DNAH7: variants seen among roughly 807,000 people sequenced by gnomAD.
DNAH7 encodes the protein axonemal beta dynein heavy chain 7.
In DNAH7, 397 loss-of-function variants were observed where a neutral mutation model predicts 444.6. The ratio of observed to expected loss-of-function variants is 0.89; its 90% CI spans 0.82 to 0.97. The LOEUF is 0.97. DNAH7 is among the 50% of genes least tolerant of loss of function. The pLI is 0.00. For missense variants in DNAH7, 4,902 were observed against 4,800.8 expected, an observed-to-expected ratio of 1.02 and a Z score of -0.62; for synonymous variants, 1,636 against 1,624.4, an observed-to-expected ratio of 1.01 and a Z score of -0.17.
At chr2:195,855,068 G>A (rs916461664) in intron 45 of DNAH7, among the ~76,000 whole-genome samples, 4 of 152,326 alleles carry the variant, frequency 2.6e-5, no homozygotes, top group South Asian at 4.1e-4. Flanking sequence ...CGATGGACAA[G>A]TTGCTTGATC....
At chr2:195,811,657 C>G (rs1256027972) in intron 51 of DNAH7, among the ~76,000 whole-genome samples, 1 of 151,976 alleles carries the variant, frequency 6.6e-6, no homozygotes, top group African/African-American at 2.4e-5. Context: ...AGCCAAAAGT[C>G]TTATAATACA....
chr2:195,960,115 T>C (rs1690981235), intron 18 of DNAH7, 145 bp downstream of exon 18: 2 of 676,250 alleles, frequency 3.0e-6, no homozygotes, highest in South Asian at 2.3e-5. Context: ...AAATGCTAAG[T>C]ATGAAATGCA....
chr2:195,743,874 G>A (rs192019428), intron 63 of DNAH7, among the ~76,000 whole-genome samples: 8 of 152,298 alleles, frequency 5.3e-5, no homozygotes, highest in Admixed American at 2.0e-4. Context: ...AGCCTGCACC[G>A]GACACCTTTC....
chr2:195,838,788 G>A (rs886505050), intron 47 of DNAH7, among the ~76,000 whole-genome samples: 3 of 151,840 alleles, frequency 2.0e-5, no homozygotes, highest in African/African-American at 7.2e-5. Flanking sequence ...CTGTACTGGC[G>A]ATAGTATATT....
chr2:195,967,525 AAGAT>A (rs1691562070), intron 17 of DNAH7, among the ~76,000 whole-genome samples: 1 of 152,172 alleles, frequency 6.6e-6, no homozygotes, highest in Non-Finnish European at 1.5e-5. Flanking sequence ...CATTTCCTGT[AAGAT>A]AGGTCTGGTG....
In DNAH7 at chr2:195,891,663, A is replaced by C. The variant is rs1338178187; in HGVS notation, c.5038T>G (p.Ser1680Ala). 2 of 1,587,464 alleles carry C rather than the reference A, an allele frequency of 1.3e-6. No individual in the cohort carries two copies. Among genetic ancestry groups the C allele is most frequent in the Non-Finnish European group, 1.7e-6 (2 of 1,169,876 alleles). The change falls in exon 31 of 65, where the codon TCT becomes GCT. Residue 1680 changes from serine (S) to alanine (A), a missense_variant. By Grantham distance (99) the Ser-to-Ala change is moderately conservative. Coordinates refer to ENST00000312428, the MANE Select transcript of DNAH7 (RefSeq NM_018897.3). Reference protein sequence around the residue: ...VLAVSFRAFASSVTPDRKWLI... With the variant: ...VLAVSFRAFAASVTPDRKWLI... ...AAAGTGTTAGAACTTACCACTGAAGAGGCAAATGCTCTAAAACTGACAGCA... is the reference window on the plus strand; with the variant it reads ...AAAGTGTTAGAACTTACCACTGAAGCGGCAAATGCTCTAAAACTGACAGCA...
At chr2:195,857,801 T>A in intron 43 of DNAH7, 78 bp from the exon 44 acceptor site, 1 of 1,249,702 alleles carries the variant, frequency 8.0e-7, no homozygotes, top group Non-Finnish European at 1.1e-6. Context: ...ATTTTCAAAC[T>A]AAGCATACAG....
intron 21 of DNAH7, among the ~76,000 whole-genome samples, chr2:195,928,320 G>A (rs901329014): frequency 6.6e-6 from 1 of 151,990 alleles, no homozygotes; most frequent in African/African-American, 2.4e-5. Flanking sequence ...CTTTGAAATG[G>A]CAACCAAAAT....
At chr2:195,834,533 T>C in intron 47 of DNAH7, 173 bp from the exon 48 acceptor site, 1 of 568,190 alleles carries the variant, frequency 1.8e-6, no homozygotes, top group Non-Finnish European at 2.7e-6. Flanking sequence ...TTGAGTGGGC[T>C]ACCTGAACGG....
intron 61 of DNAH7, among the ~76,000 whole-genome samples, chr2:195,760,254 T>C (rs1454206474): frequency 1.3e-5 from 2 of 152,074 alleles, no homozygotes; most frequent in African/African-American, 4.8e-5. Flanking sequence ...TCAGCAGCAG[T>C]AGAACAGAGC....
intron 17 of DNAH7, among the ~76,000 whole-genome samples, chr2:195,965,744 T>C (rs1691428776): frequency 1.3e-5 from 2 of 152,190 alleles, no homozygotes; most frequent in South Asian, 4.1e-4. Flanking sequence ...TTTTCCTATT[T>C]ATTGGCATAC....
chr2:195,853,608 TGAA>T, intron 45 of DNAH7, 80 bp from the exon 46 acceptor site: 1 of 1,355,412 alleles, frequency 7.4e-7, no homozygotes, highest in Admixed American at 2.8e-5. Flanking sequence ...CCCTCAGAAG[TGAA>T]TTATTATTTT....
intron 5 of DNAH7, among the ~76,000 whole-genome samples, chr2:196,036,489 G>A (rs1696399815): frequency 1.3e-5 from 2 of 152,152 alleles, no homozygotes; most frequent in African/African-American, 4.8e-5. Flanking sequence ...GCATATCCAG[G>A]AGTCTTCCCC....
chr2:195,835,955 T>C (rs937515492), intron 47 of DNAH7, among the ~76,000 whole-genome samples: 1 of 152,234 alleles, frequency 6.6e-6, no homozygotes, highest in Non-Finnish European at 1.5e-5. Context: ...GCCATAACAG[T>C]ATACCACTGA....
intron 56 of DNAH7, 53 bp downstream of exon 56, chr2:195,796,523 T>C (rs1696148731): frequency 6.3e-7 from 1 of 1,593,976 alleles, no homozygotes. Context: ...TTATGTATAT[T>C]ACTAATTAGA....
At chr2:195,834,038 C>T (rs932907309) in intron 48 of DNAH7, among the ~76,000 whole-genome samples, 168 bp downstream of exon 48, 2 of 152,188 alleles carry the variant, frequency 1.3e-5, no homozygotes, top group Non-Finnish European at 2.9e-5. Context: ...GAAACCTCAT[C>T]TCTACAAAAA....
intron 10 of DNAH7, among the ~76,000 whole-genome samples, chr2:196,006,262 C>T (rs775290322): frequency 1.3e-5 from 2 of 152,086 alleles, no homozygotes; most frequent in Non-Finnish European, 2.9e-5. Flanking sequence ...GCCAGGATCG[C>T]ACCACTGCAC....
rs1206013259 is a variant in DNAH7 at position 195,934,715 on chromosome 2, T to A, written c.3347A>T (p.His1116Leu). ...VEFTETLDITHMKSSEGEVVE... is the reference protein window; with the variant it reads ...VEFTETLDITLMKSSEGEVVE... ...AACCTCTCCTTCGCTGCTCTTCATG[T>A]GAGTAATGTCTAAAGTTTCCGTAAA... The change falls in exon 21 of 65, where the codon CAC becomes CTC. Residue 1116 changes from histidine to leucine, a missense_variant. His to Leu is a moderately conservative substitution (Grantham distance 99, BLOSUM62 -3). Coordinates refer to ENST00000312428, the MANE Select transcript of DNAH7 (RefSeq NM_018897.3). 3.7e-6 allele frequency: 6 copies of A among 1,614,034 alleles called. No homozygotes were observed. In the African/African-American group the frequency reaches 8.0e-5, roughly 22 times the overall value.
At position 196,018,124 on chromosome 2, in the gene DNAH7, CACTG is replaced by C. The variant is rs989363620; in HGVS notation, c.869+1042_869+1045del. On this transcript the variant is annotated intron_variant, in intron 9 of 64. Coordinates refer to ENST00000312428, the MANE Select transcript of DNAH7 (RefSeq NM_018897.3). Reference sequence around the variant, plus strand: ...AAGAAAAGATGAAGAACCAACAAAACACTGACAAAGATATAAGTAGAGAATTCAT... The same window carrying C: ...AAGAAAAGATGAAGAACCAACAAAACACAAAGATATAAGTAGAGAATTCAT... 2.6e-5 allele frequency among the ~76,000 whole-genome samples: 4 copies of C among 152,136 alleles called. No individual in the cohort carries two copies. The East Asian group carries it at 7.7e-4, about 29-fold the overall frequency.
Sources: gnomAD v4.1 joint callset for allele counts (sites outside exome capture counted in the v4.1 genomes callset) on GRCh38, gnomAD v4.1.1 for gene constraint, MANE v1.5 for transcripts, NCBI Gene and HGNC (gene_info 2026-07-23, HGNC 2026-07-21) for gene names.